CCDC187: variants seen among roughly 807,000 people sequenced by gnomAD.
CCDC187 encodes the protein coiled-coil domain containing 187.
A neutral mutation model predicts 38.0 loss-of-function variants in CCDC187; 32 were observed. The ratio of observed to expected loss-of-function variants is 0.84; its 90% CI spans 0.64 to 1.13. The LOEUF is 1.13. Among genes scored for constraint, CCDC187 ranks in the 50% most tolerant of loss-of-function variants. The pLI is 0.00. For missense variants in CCDC187, 707 were observed against 786.8 expected, an observed-to-expected ratio of 0.90 and a Z score of 1.21; for synonymous variants, 333 against 347.9, an observed-to-expected ratio of 0.96 and a Z score of 0.48.
upstream of CCDC187, among the ~76,000 whole-genome samples, chr9:136,306,579 A>G (rs1831807198): frequency 6.6e-6 from 1 of 152,116 alleles, no homozygotes; most frequent in African/African-American, 2.4e-5. Context: ...CCAGAGAAAA[A>G]CAGGTGCTAC....
chr9:136,286,406 C>T lies in CCDC187; in HGVS notation c.2512G>A (p.Val838Ile), dbSNP rs1488455540. Residue 838 changes from valine (V) to isoleucine (I), a missense_variant, in exon 8 of 26, where the codon GTC becomes ATC. Coordinates refer to ENST00000638797, the MANE Select transcript of CCDC187 (RefSeq NM_001378188.1). ...ETTAKVLKQR[V>I]DSLTAKLQGA... Reference sequence around the variant, plus strand: ...TGCAGCTTGGCGGTGAGGCTATCGACCCGCTGCTTGAGGACTTTGGCTGTG... The same window carrying T: ...TGCAGCTTGGCGGTGAGGCTATCGATCCGCTGCTTGAGGACTTTGGCTGTG... 4 of 398,562 alleles carry T rather than the reference C, an allele frequency of 1.0e-5. No individual in the cohort carries two copies. Among genetic ancestry groups the T allele is most frequent in the Non-Finnish European group, 1.8e-5 (4 of 226,096 alleles). The allele number at this position is 398,562 out of a possible 1,614,324, so 24.7% of individuals were successfully genotyped here.
chr9:136,283,298 C>G (rs961117073), intron 9 of CCDC187, among the ~76,000 whole-genome samples: 14 of 152,194 alleles, frequency 9.2e-5, no homozygotes, highest in Admixed American at 9.2e-4. Context: ...GAGAGGCGGC[C>G]GGGATCTGGG....
At position 136,281,079 on chromosome 9, in the gene CCDC187, A is replaced by G. The variant is rs908733785; in HGVS notation, c.3040+472T>C. On this transcript the variant is annotated intron_variant, in intron 10 of 25. Transcript: ENST00000638797. The stretch of plus-strand genomic sequence containing the variant: ...CTCCAGCTGCCCTGCCAAGCCCCCC[A>G]GCCAGGAGGGTCCTACAGCGCAGCC... 310 of 244,122 alleles carry G rather than the reference A, an allele frequency of 1.3e-3. 1 individual carries two copies. Among genetic ancestry groups the G allele is most frequent in the Middle Eastern group, 5.9e-3 (5 of 854 alleles). 15.1% of individuals were successfully genotyped at this position (244,122 alleles called of 1,614,324 possible).
intron 3 of CCDC187, 28 bp from the exon 4 acceptor site, chr9:136,297,849 G>A: frequency 2.5e-6 from 1 of 396,866 alleles, no homozygotes; most frequent in Non-Finnish European, 4.4e-6. Context: ...AAGGAAGGGA[G>A]GGAGGGAGGG....
chr9:136,283,164 G>A (rs1208460939), intron 9 of CCDC187, among the ~76,000 whole-genome samples: 1 of 152,224 alleles, frequency 6.6e-6, no homozygotes, highest in East Asian at 1.9e-4. Flanking sequence ...CGGGAGAATC[G>A]CTTGAACTTG....
intron 19 of CCDC187, among the ~76,000 whole-genome samples, chr9:136,261,314 CAGGGAGCCG>C (rs1205001217): frequency 6.6e-6 from 1 of 152,152 alleles, no homozygotes; most frequent in Non-Finnish European, 1.5e-5. Context: ...GGTAGGCTCC[CAGGGAGCCG>C]AAGTTTTCTC....
intron 2 of CCDC187, among the ~76,000 whole-genome samples, chr9:136,302,397 G>A (rs1337021584): frequency 9.0e-6 from 1 of 111,266 alleles, no homozygotes; most frequent in East Asian, 2.6e-4. Context: ...CCCACCCCCT[G>A]TCCCTGCAGG....
chr9:136,254,880 G>T lies in CCDC187; in HGVS notation c.4948C>A (p.Pro1650Thr). Reference protein sequence around the residue: ...IQLSGSSSSLPSLEAEDSPDE... With the variant: ...IQLSGSSSSLTSLEAEDSPDE... ...GGGGAGTCTTCAGCTTCCAAGCTGG[G>T]AAGAGAGCTGGAGCTCCCAGAAAGC... Residue 1650 changes from proline (P) to threonine (T), a missense_variant, in exon 26 of 26, where the codon CCC becomes ACC. Physicochemically the swap from Pro to Thr is conservative, Grantham distance 38. Coordinates refer to ENST00000638797, the MANE Select transcript of CCDC187 (RefSeq NM_001378188.1). 2 of 985,538 alleles carry T rather than the reference G, an allele frequency of 2.0e-6. No homozygotes were observed. Among genetic ancestry groups the T allele is most frequent in the Non-Finnish European group, 2.4e-6 (2 of 829,988 alleles). The allele number at this position is 985,538 out of a possible 1,614,324, so 61.0% of individuals were successfully genotyped here.
rs929659543 is a variant in CCDC187 at position 136,257,419 on chromosome 9, C to A, written c.4367-578G>T. The stretch of plus-strand genomic sequence containing the variant: ...AATAATAATAATAATTTAGAGGCCT[C>A]TTTCCCTCCCTTGGGGGAAACCTTT... On this transcript the variant is annotated intron_variant, in intron 22 of 25. Transcript: ENST00000638797. This position sits in a 1 kb window ranked among gnomAD's most constrained non-coding sequence, Gnocchi z 4.5. Among the ~76,000 whole-genome samples, 3 of 151,794 alleles carry A rather than the reference C, an allele frequency of 2.0e-5. No individual in the cohort carries two copies. Among genetic ancestry groups the A allele is most frequent in the Admixed American group, 6.6e-5 (1 of 15,214 alleles).
At position 136,254,769 on chromosome 9, in the gene CCDC187, G is replaced by A. The variant is rs1385725705; in HGVS notation, c.5059C>T (p.Gln1687Ter). The change falls in exon 26 of 26, where the codon CAG becomes TAG. Residue 1687 changes from glutamine (Q) to a stop codon, truncating the protein, a stop_gained. Coordinates refer to ENST00000638797, the MANE Select transcript of CCDC187 (RefSeq NM_001378188.1). LOFTEE classifies it low-confidence loss of function (END_TRUNC). ...AGLPLSWRSN[Q>*]GEPRPGSAPG... ...GCACTGCCTGGCCGAGGCTCACCCTGGTTTGACCGCCAGGACAAAGGCAGG... is the reference window on the plus strand; with the variant it reads ...GCACTGCCTGGCCGAGGCTCACCCTAGTTTGACCGCCAGGACAAAGGCAGG... The A allele has an allele frequency of 1.3e-5, 13 of 985,420 alleles. No homozygotes were observed. In the Admixed American group the frequency reaches 8.0e-4, roughly 61 times the overall value. The allele number at this position is 985,420 out of a possible 1,614,324, so 61.0% of individuals were successfully genotyped here. A position where few individuals can be genotyped will look rare whatever the true frequency, so the allele number is the denominator to read the frequency against.
chr9:136,280,005 C>T (rs1831008186), intron 10 of CCDC187, among the ~76,000 whole-genome samples: 1 of 152,236 alleles, frequency 6.6e-6, no homozygotes. Context: ...CTTGGACTTC[C>T]CAGACTCCAG....
intron 7 of CCDC187, 90 bp from the exon 8 acceptor site, chr9:136,286,785 C>T: frequency 2.5e-6 from 1 of 397,986 alleles, no homozygotes; most frequent in Middle Eastern, 6.3e-4. Context: ...GTGTGAGCGT[C>T]ACAGCAGCGT....
chr9:136,282,163 G>T (rs1183887506), intron 9 of CCDC187, among the ~76,000 whole-genome samples: 1 of 152,226 alleles, frequency 6.6e-6, no homozygotes, highest in Non-Finnish European at 1.5e-5. Flanking sequence ...GCGGAACGGG[G>T]TCACGCATCA....
chr9:136,252,423 CTGT>C lies in CCDC187; in HGVS notation c.*1168_*1170del. The C allele has an allele frequency of 4.9e-6, 1 of 202,858 alleles. No homozygotes were observed. The highest frequency in any genetic ancestry group is 1.0e-5 in the Non-Finnish European group (1 of 97,960). The allele number at this position is 202,858 out of a possible 1,614,324, so 12.6% of individuals were successfully genotyped here. ...CGTCCCGCACAGCCGGCCGCCCACC[CTGT>C]CCACCGGGGGAAGGTCCAGGCAACC... On this transcript the variant is annotated 3_prime_UTR_variant, in exon 26 of 26. Coordinates refer to ENST00000638797, the MANE Select transcript of CCDC187 (RefSeq NM_001378188.1).
intron 7 of CCDC187, among the ~76,000 whole-genome samples, chr9:136,287,442 A>T (rs1259508482): frequency 3.9e-5 from 6 of 152,228 alleles, no homozygotes; most frequent in Admixed American, 2.0e-4. Flanking sequence ...CCGCAACTGG[A>T]CAATGAGACG....
At chr9:136,260,870 A>G (rs35613483) in intron 19 of CCDC187, among the ~76,000 whole-genome samples, 144,025 of 152,286 alleles carry the variant, frequency 0.95, 68,167 homozygotes, top group East Asian at 1. Flanking sequence ...CCGCACTCTC[A>G]CTGGGGCAGC....
At chr9:136,283,161 A>G (rs1465781028) in intron 9 of CCDC187, among the ~76,000 whole-genome samples, 1 of 152,222 alleles carries the variant, frequency 6.6e-6, no homozygotes, top group Non-Finnish European at 1.5e-5. Context: ...AGGCGGGAGA[A>G]TCGCTTGAAC....
chr9:136,259,121 CG>C, intron 21 of CCDC187, 120 bp from the exon 22 acceptor site: 1 of 811,072 alleles, frequency 1.2e-6, no homozygotes, highest in East Asian at 1.3e-4. Context: ...TGGGGACAGC[CG>C]GGGGCGGACA....
chr9:136,267,077 G>A (rs1160796243), intron 16 of CCDC187: 1 of 154,420 alleles, frequency 6.5e-6, no homozygotes, highest in Admixed American at 6.5e-5. Flanking sequence ...CAACAAGAGC[G>A]AAACTCTGTC....
Sources: gnomAD v4.1 joint callset for allele counts (sites outside exome capture counted in the v4.1 genomes callset) on GRCh38, gnomAD v4.1.1 for gene constraint, Gnocchi (gnomAD v3.1) non-coding constraint, MANE v1.5 for transcripts, NCBI Gene and HGNC (gene_info 2026-07-23, HGNC 2026-07-21) for gene names.